Variants in CPT1A observed in about 807,000 individuals in gnomAD.
CPT1A encodes carnitine palmitoyltransferase 1A.
A neutral mutation model predicts 100.8 loss-of-function variants in CPT1A; 64 were observed. That is an observed-to-expected ratio of 0.63 (90% CI 0.52 to 0.78). The LOEUF (loss-of-function observed/expected upper bound fraction) is 0.78, where lower values mean the gene tolerates loss of function less well. Among genes scored for constraint, CPT1A ranks in the 30% least tolerant of loss-of-function variants. CPT1A has a pLI of 0.00. For synonymous variants in CPT1A, 363 were observed against 396.0 expected, an observed-to-expected ratio of 0.92 and a Z score of 0.99; for missense variants, 802 against 1,034.1, an observed-to-expected ratio of 0.78 and a Z score of 3.08.
intron 1 of CPT1A, among the ~76,000 whole-genome samples, chr11:68,830,971 C>T (rs1485662116): frequency 6.6e-6 from 1 of 152,186 alleles, no homozygotes; most frequent in Non-Finnish European, 1.5e-5. Flanking sequence ...GACAGTTCTC[C>T]AACGCTGAAT....
chr11:68,770,987 C>T (rs986225639), intron 14 of CPT1A, among the ~76,000 whole-genome samples: 5 of 152,216 alleles, frequency 3.3e-5, no homozygotes, highest in African/African-American at 4.8e-5. Context: ...ATGCCTTCCT[C>T]GGGGCCGTCC....
chr11:68,820,049 A>T (rs900127369), intron 1 of CPT1A, among the ~76,000 whole-genome samples: 119 of 148,878 alleles, frequency 8.0e-4, no homozygotes, highest in African/African-American at 3.0e-3. Context: ...TGTTTGTTTG[A>T]GACAGGGTCT....
upstream of CPT1A, among the ~76,000 whole-genome samples, chr11:68,842,171 C>T (rs80287911): frequency 0.01 from 1,525 of 152,290 alleles, 27 homozygotes; most frequent in African/African-American, 0.032. Flanking sequence ...TCGCTTAGCT[C>T]CGTGCCTGGC....
At chr11:68,786,583 T>C (rs1024963904) in intron 9 of CPT1A, among the ~76,000 whole-genome samples, 3 of 152,214 alleles carry the variant, frequency 2.0e-5, no homozygotes, top group African/African-American at 7.2e-5. Context: ...CAGGCTGGAG[T>C]GCAGTGGCGC....
intron 12 of CPT1A, among the ~76,000 whole-genome samples, chr11:68,776,326 G>A (rs1420819910): frequency 1.3e-5 from 2 of 152,190 alleles, no homozygotes; most frequent in East Asian, 3.8e-4. Flanking sequence ...CTGAGCCCAG[G>A]AGGTCATGGT....
chr11:68,841,272 A>C lies in CPT1A; in HGVS notation c.-14+503T>G, dbSNP rs1857153118. Among the ~76,000 whole-genome samples the C allele has an allele frequency of 6.6e-6, 1 of 151,718 alleles. No individual in the cohort carries two copies. Among genetic ancestry groups the C allele is most frequent in the Non-Finnish European group, 1.5e-5 (1 of 67,940 alleles). The stretch of plus-strand genomic sequence containing the variant: ...GAGCCAGGGTGGGATGGGCAGGGAC[A>C]GGAGCCGGAGGCCCTACTGGCCCCG... On this transcript the variant is annotated intron_variant, in intron 1 of 18. Transcript: ENST00000265641. This position sits in a 1 kb window ranked among gnomAD's most constrained non-coding sequence, Gnocchi z 6.3.
chr11:68,808,373 CTTT>C (rs34991663), intron 3 of CPT1A, among the ~76,000 whole-genome samples: 14 of 140,258 alleles, frequency 1.0e-4, no homozygotes, highest in Non-Finnish European at 2.2e-4. Context: ...TGAAATTCAG[CTTT>C]TTTTTTTTTT....
In CPT1A at chr11:68,807,520, C is replaced by A. The variant is rs200242711; in HGVS notation, c.400G>T (p.Gly134Trp). Residue 134 changes from glycine to tryptophan, a missense_variant, in exon 4 of 19, where the codon GGG (glycine) becomes TGG (tryptophan). Around this residue, in one of 4 missense-constraint regions of CPT1A, gnomAD observed 161 missense variants for 183.7 expected, o/e 0.88. Transcript: ENST00000265641. ...TTGCCGTGCTCAGTGAACATCCACCCGTGGTAGGAGAGCAGCACTTTCAGG... is the reference window on the plus strand; with the variant it reads ...TTGCCGTGCTCAGTGAACATCCACCAGTGGTAGGAGAGCAGCACTTTCAGG... ...YSLKVLLSYH[G>W]WMFTEHGKMS... The A allele has an allele frequency of 1.9e-6, 3 of 1,614,162 alleles. No homozygotes were observed. The East Asian group carries it at 6.7e-5, about 36-fold the overall frequency.
rs995238767 is a variant in CPT1A at position 68,815,954 on chromosome 11, C to T, written c.-13-467G>A. ...CCCCAACCCTGGCCCTGGACATTCC[C>T]GGGAACCACGCCTCCAAGCCAGCAT... On this transcript the variant is annotated intron_variant, in intron 1 of 18. Coordinates refer to ENST00000265641, the MANE Select transcript of CPT1A (RefSeq NM_001876.4). Among the ~76,000 whole-genome samples the T allele has an allele frequency of 3.1e-4, 46 of 148,944 alleles. 1 individual carries two copies. The highest frequency in any genetic ancestry group is 6.7e-4 in the Admixed American group (10 of 14,952).
At chr11:68,809,586 G>A (rs1336986778) in intron 3 of CPT1A, among the ~76,000 whole-genome samples, 1 of 152,074 alleles carries the variant, frequency 6.6e-6, no homozygotes, top group Non-Finnish European at 1.5e-5. Context: ...TCCTGCCTCG[G>A]CCTCCCAAAG....
intron 1 of CPT1A, among the ~76,000 whole-genome samples, chr11:68,816,931 G>T (rs1267400174): frequency 7.9e-6 from 1 of 127,340 alleles, no homozygotes; most frequent in Non-Finnish European, 1.7e-5. Context: ...GTGTGGGTGT[G>T]TGTGTGGGGT....
chr11:68,837,341 C>T (rs1857034316), intron 1 of CPT1A, among the ~76,000 whole-genome samples: 1 of 152,186 alleles, frequency 6.6e-6, no homozygotes, highest in South Asian at 2.1e-4. Context: ...AGCCACTGCG[C>T]TTAGCTGACA....
At chr11:68,793,810 G>C (rs76355479) in intron 8 of CPT1A, among the ~76,000 whole-genome samples, 1 of 151,906 alleles carries the variant, frequency 6.6e-6, no homozygotes, top group African/African-American at 2.4e-5. Flanking sequence ...ACATGGAAAT[G>C]CTGAATGTGT....
At chr11:68,792,066 T>C (rs1431602472) in intron 9 of CPT1A, among the ~76,000 whole-genome samples, 1 of 151,968 alleles carries the variant, frequency 6.6e-6, no homozygotes, top group Non-Finnish European at 1.5e-5. Flanking sequence ...AGGCCAGGCA[T>C]GGTGGCTCAC....
At chr11:68,793,580 C>T (rs1393621019) in intron 8 of CPT1A, among the ~76,000 whole-genome samples, 178 bp from the exon 9 acceptor site, 1 of 151,806 alleles carries the variant, frequency 6.6e-6, no homozygotes, top group Non-Finnish European at 1.5e-5. Context: ...CCCGTCTCTA[C>T]TAAAAATACA....
Position 68,775,238 on chromosome 11 carries a change from T to C in CPT1A, c.1575+78A>G, listed in dbSNP as rs1855111106. 49 of 1,228,290 alleles carry C rather than the reference T, an allele frequency of 4.0e-5. 2 individuals carry two copies. The South Asian group carries it at 5.2e-4, about 13-fold the overall frequency. The allele number at this position is 1,228,290 out of a possible 1,614,324, so 76.1% of individuals were successfully genotyped here. A position where few individuals can be genotyped will look rare whatever the true frequency, so the allele number is the denominator to read the frequency against. On this transcript the variant is annotated intron_variant, in intron 13 of 18. Coordinates refer to ENST00000265641, the MANE Select transcript of CPT1A (RefSeq NM_001876.4). ...GCTCATGATAGGGCAGGAACTACGGTTGGAAAATTCATCTGTAAGACTTCA... is the reference window on the plus strand; with the variant it reads ...GCTCATGATAGGGCAGGAACTACGGCTGGAAAATTCATCTGTAAGACTTCA...
intron 12 of CPT1A, among the ~76,000 whole-genome samples, chr11:68,780,117 G>A (rs1855264298): frequency 6.6e-6 from 1 of 152,182 alleles, no homozygotes; most frequent in Non-Finnish European, 1.5e-5. Context: ...GAGATGGCAG[G>A]AGATGCACTG....
chr11:68,764,431 A>T (rs1443276101), intron 14 of CPT1A, among the ~76,000 whole-genome samples: 1 of 152,172 alleles, frequency 6.6e-6, no homozygotes, highest in Non-Finnish European at 1.5e-5. Context: ...ATGAACCCAG[A>T]AGAGGGTGCC....
chr11:68,760,490 C>G (rs910353010), intron 16 of CPT1A, 152 bp from the exon 17 acceptor site: 7 of 597,212 alleles, frequency 1.2e-5, no homozygotes, highest in Non-Finnish European at 2.0e-5. Flanking sequence ...GCTTGGGCAG[C>G]GTATCTGCAG....
Sources: gnomAD v4.1 joint callset for allele counts (sites outside exome capture counted in the v4.1 genomes callset) on GRCh38, gnomAD v4.1.1 for gene constraint, gnomAD v4.1.1 regional missense constraint, Gnocchi (gnomAD v3.1) non-coding constraint, MANE v1.5 for transcripts, NCBI Gene and HGNC (gene_info 2026-07-23, HGNC 2026-07-21) for gene names.